WDPCP: variants seen among roughly 807,000 people sequenced by gnomAD.
WDPCP encodes WD repeat containing planar cell polarity effector.
WDPCP carries 71 observed loss-of-function variants against 93.1 expected under a neutral mutation model. The ratio of observed to expected loss-of-function variants is 0.76; its 90% CI spans 0.63 to 0.93. The LOEUF is 0.93. Ranked by LOEUF, WDPCP falls within the 40% of genes least tolerant of loss-of-function variation. The pLI, the probability that WDPCP is intolerant of heterozygous loss-of-function variation, is 0.00. For missense variants in WDPCP, 844 were observed against 887.4 expected (o/e 0.95, Z 0.62); for synonymous variants, 315 against 315.0 (o/e 1.00, Z 0.00).
intron 9 of WDPCP, among the ~76,000 whole-genome samples, chr2:63,425,582 A>G (rs1238057649): frequency 6.6e-6 from 1 of 152,232 alleles, no homozygotes; most frequent in African/African-American, 2.4e-5. Context: ...TTCAAAATAC[A>G]ATTGGAAGCA....
At chr2:63,799,001 T>G (rs1053297047) in intron 2 of WDPCP, among the ~76,000 whole-genome samples, 6 of 152,198 alleles carry the variant, frequency 3.9e-5, no homozygotes, top group South Asian at 2.1e-4. Context: ...TGTTCCTACA[T>G]CTAAGATTTA....
intron 1 of WDPCP, among the ~76,000 whole-genome samples, chr2:63,819,910 T>G (rs562027399): frequency 2.6e-5 from 4 of 152,104 alleles, no homozygotes; most frequent in Non-Finnish European, 4.4e-5. Flanking sequence ...ATTTACCCTC[T>G]CCTATGAGAG....
chr2:63,243,706 A>T (rs1036009275), intron 14 of WDPCP, among the ~76,000 whole-genome samples: 3 of 152,162 alleles, frequency 2.0e-5, no homozygotes, highest in Non-Finnish European at 4.4e-5. Flanking sequence ...CAAATTCATA[A>T]AACAAGTACT....
chr2:63,520,923 T>C (rs1702878866), intron 1 of WDPCP, among the ~76,000 whole-genome samples: 1 of 150,380 alleles, frequency 6.6e-6, no homozygotes, highest in Non-Finnish European at 1.5e-5. Context: ...AAAAGATTTT[T>C]CAACCAAGAA....
At chr2:63,482,487 A>T (rs1558692823) in intron 6 of WDPCP, among the ~76,000 whole-genome samples, 1 of 151,998 alleles carries the variant, frequency 6.6e-6, no homozygotes, top group Non-Finnish European at 1.5e-5. Context: ...TAACTAAGGA[A>T]AATTTAACAA....
At chr2:63,396,581 G>A (rs1235197688) in intron 10 of WDPCP, among the ~76,000 whole-genome samples, 1 of 152,154 alleles carries the variant, frequency 6.6e-6, no homozygotes, top group Non-Finnish European at 1.5e-5. Flanking sequence ...TGGCTGGGAA[G>A]CTACACTAGT....
intron 1 of WDPCP, among the ~76,000 whole-genome samples, chr2:63,534,243 A>G (rs1704084829): frequency 6.6e-6 from 1 of 152,202 alleles, no homozygotes; most frequent in Non-Finnish European, 1.5e-5. Flanking sequence ...AAAAAACTCC[A>G]GGACCAGGTG....
chr2:63,386,243 A>T (rs1289608650), intron 10 of WDPCP, among the ~76,000 whole-genome samples: 4 of 152,092 alleles, frequency 2.6e-5, no homozygotes, highest in African/African-American at 9.6e-5. Context: ...GCTACTTTAT[A>T]AACAATGGTA....
upstream of WDPCP, chr2:63,593,446 C>A: frequency 2.5e-6 from 1 of 405,136 alleles, no homozygotes; most frequent in South Asian, 1.9e-5. Context: ...TGAGTGAGTA[C>A]CAAATTGCTG....
intron 2 of WDPCP, among the ~76,000 whole-genome samples, chr2:63,676,867 G>A (rs1710409705): frequency 6.6e-6 from 1 of 152,136 alleles, no homozygotes; most frequent in Non-Finnish European, 1.5e-5. Context: ...TCTATGGATT[G>A]TGCCAATGTT....
intron 9 of WDPCP, among the ~76,000 whole-genome samples, chr2:63,421,306 GT>G (rs1204043712): frequency 6.6e-6 from 1 of 152,050 alleles, no homozygotes; most frequent in African/African-American, 2.4e-5. Flanking sequence ...GCATGTGAAA[GT>G]TACAAATTAT....
chr2:63,129,162 GTTTA>G (rs1670123733), intron 17 of WDPCP, among the ~76,000 whole-genome samples: 1 of 152,178 alleles, frequency 6.6e-6, no homozygotes, highest in African/African-American at 2.4e-5. Flanking sequence ...ACCACCTTTT[GTTTA>G]TTCATTAATC....
chr2:63,470,890 T>G (rs1365122249), intron 6 of WDPCP, among the ~76,000 whole-genome samples: 1 of 152,114 alleles, frequency 6.6e-6, no homozygotes, highest in Non-Finnish European at 1.5e-5. Flanking sequence ...TCAGGGCCTT[T>G]GTACCTGTTG....
At chr2:63,752,198 T>G (rs1669893756) in intron 2 of WDPCP, 1 of 153,616 alleles carries the variant, frequency 6.5e-6, no homozygotes, top group African/African-American at 3.2e-5. Flanking sequence ...ACAAAGCTCC[T>G]TTTTTTTTTT....
chr2:63,441,150 T>C (rs60413056), intron 6 of WDPCP: 3,098 of 152,052 alleles, frequency 0.02, 124 homozygotes, highest in African/African-American at 0.071. Flanking sequence ...GGGGGGAGGG[T>C]ACTTAATCAT....
At chr2:63,553,685 G>A (rs1705856373) in intron 1 of WDPCP, among the ~76,000 whole-genome samples, 1 of 151,878 alleles carries the variant, frequency 6.6e-6, no homozygotes, top group African/African-American at 2.4e-5. Context: ...TGTGAATTGG[G>A]TCATAGGGAT....
intron 2 of WDPCP, among the ~76,000 whole-genome samples, chr2:63,730,686 C>T (rs560866416): frequency 1.3e-5 from 2 of 151,750 alleles, no homozygotes; most frequent in South Asian, 4.2e-4. Context: ...ACATGATCAC[C>T]GTGGTAAGGC....
chr2:63,735,572 A>C (rs987262215), intron 2 of WDPCP, among the ~76,000 whole-genome samples: 2 of 152,132 alleles, frequency 1.3e-5, no homozygotes, highest in Non-Finnish European at 2.9e-5. Context: ...TTGAGCAGGG[A>C]AGTAATAGGG....
At chr2:63,213,239 C>A (rs1397238715) in intron 14 of WDPCP, among the ~76,000 whole-genome samples, 1 of 152,124 alleles carries the variant, frequency 6.6e-6, no homozygotes, top group African/African-American at 2.4e-5. Flanking sequence ...CACTCCTCAG[C>A]AAATGTAAAA....
Sources: allele counts gnomAD v4.1 joint callset (sites outside exome capture counted in the v4.1 genomes callset), GRCh38; gene constraint gnomAD v4.1.1; transcripts MANE v1.5; gene names NCBI Gene and HGNC (gene_info 2026-07-23, HGNC 2026-07-21).